The following PARD3B variants were observed in gnomAD, a reference collection of about 807,000 sequenced individuals.
The protein encoded by PARD3B is par-3 family cell polarity regulator beta, also known as partitioning defective 3 homolog B.
In PARD3B, 103 loss-of-function variants were observed where a neutral mutation model predicts 130.2. That is an observed-to-expected ratio of 0.79 (90% CI 0.67 to 0.93). PARD3B has a LOEUF of 0.93. Among genes scored for constraint, PARD3B ranks in the 40% least tolerant of loss-of-function variants. PARD3B has a pLI of 0.00. For synonymous variants in PARD3B, 583 were observed against 553.2 expected, an observed-to-expected ratio of 1.05 and a Z score of -0.76; for missense variants, 1,609 against 1,499.2, an observed-to-expected ratio of 1.07 and a Z score of -1.21.
At chr2:204,565,079 G>A (rs897131511) in intron 1 of PARD3B, among the ~76,000 whole-genome samples, 2 of 152,134 alleles carry the variant, frequency 1.3e-5, no homozygotes, top group South Asian at 2.1e-4. Context: ...CTAGCAGAAC[G>A]CTTTCCTTGT....
rs189820903 is a variant in PARD3B at position 204,676,729 on chromosome 2, G to A, written c.121-9452G>A. Among the ~76,000 whole-genome samples, 1,921 of 149,504 alleles carry A rather than the reference G, an allele frequency of 0.013. 75 individuals carry two copies. In the East Asian group the frequency reaches 0.14, roughly 11 times the overall value. On this transcript the variant is annotated intron_variant, in intron 1 of 22. Transcript: ENST00000406610. ...CTGTCACCCAGGCTGGAGTGCAGTG[G>A]TGCAATCTCGGCTCACTGCAACCTC...
chr2:204,585,217 A>T (rs1158750038), intron 1 of PARD3B, among the ~76,000 whole-genome samples: 1 of 152,202 alleles, frequency 6.6e-6, no homozygotes, highest in South Asian at 2.1e-4. Flanking sequence ...TTCCTTCAGG[A>T]CAATGGAGGC....
At chr2:205,313,711 C>A (rs770694898) in intron 18 of PARD3B, among the ~76,000 whole-genome samples, 2 of 152,168 alleles carry the variant, frequency 1.3e-5, no homozygotes, top group South Asian at 2.1e-4. Context: ...GAAGGATAGA[C>A]CCCTTTATCT....
intron 16 of PARD3B, among the ~76,000 whole-genome samples, chr2:205,282,908 A>C (rs2041245829): frequency 6.6e-6 from 1 of 152,194 alleles, no homozygotes; most frequent in Admixed American, 6.5e-5. Context: ...TGCAAATGAG[A>C]GATTCAAACT....
At chr2:205,114,407 G>A (rs927232038) in intron 6 of PARD3B, among the ~76,000 whole-genome samples, 1 of 151,962 alleles carries the variant, frequency 6.6e-6, no homozygotes, top group African/African-American at 2.4e-5. Context: ...AAGAAAATCA[G>A]TTTTTCACTA....
At chr2:205,437,627 A>G (rs1451768368) in intron 19 of PARD3B, among the ~76,000 whole-genome samples, 1 of 152,134 alleles carries the variant, frequency 6.6e-6, no homozygotes, top group African/African-American at 2.4e-5. Context: ...AATGGCCATT[A>G]TATTGGACGG....
In PARD3B at chr2:205,288,071, T is replaced by G. The variant is rs2105861796; in HGVS notation, c.2186-12459T>G. On this transcript the variant is annotated intron_variant, in intron 16 of 22. Coordinates refer to ENST00000406610, the MANE Select transcript of PARD3B (RefSeq NM_001302769.2). The surrounding 1 kb of genome is among the most constrained non-coding windows in gnomAD (Gnocchi z 4.0). ...CCCATGTTATTAGTTTTACTGCCCA[T>G]TAATCATTATATATTACCAAATATA... Among the ~76,000 whole-genome samples the G allele has an allele frequency of 6.6e-6, 1 of 152,248 alleles. No individual in the cohort carries two copies.
At chr2:205,487,028 T>A (rs1447163943) in intron 20 of PARD3B, among the ~76,000 whole-genome samples, 1 of 152,208 alleles carries the variant, frequency 6.6e-6, no homozygotes, top group Admixed American at 6.5e-5. Context: ...GCGTATATAA[T>A]TCTGTGTTTA....
At chr2:204,786,393 T>A (rs1399757694) in intron 2 of PARD3B, among the ~76,000 whole-genome samples, 2 of 152,088 alleles carry the variant, frequency 1.3e-5, no homozygotes, top group Non-Finnish European at 2.9e-5. Context: ...AGGATGGCTT[T>A]CTTGTGCAAG....
chr2:204,904,439 T>G (rs2046974250), intron 2 of PARD3B, among the ~76,000 whole-genome samples: 1 of 152,232 alleles, frequency 6.6e-6, no homozygotes, highest in Admixed American at 6.5e-5. Context: ...CTTTTGTGGC[T>G]TCTTCCAAGG....
chr2:205,151,718 T>C (rs936261474), intron 10 of PARD3B, among the ~76,000 whole-genome samples: 1 of 152,218 alleles, frequency 6.6e-6, no homozygotes, highest in African/African-American at 2.4e-5. Context: ...CTTCATCCAA[T>C]TTACCAGTCT....
chr2:205,139,179 T>TC (rs1424100272), intron 10 of PARD3B, among the ~76,000 whole-genome samples: 6 of 152,104 alleles, frequency 3.9e-5, no homozygotes. Context: ...TATCAGTATT[T>TC]TTTTTTTTTA....
rs1696076085 is a variant in PARD3B at position 205,015,518 on chromosome 2, A to G, written c.395-32063A>G. On this transcript the variant is annotated intron_variant, in intron 3 of 22. Transcript: ENST00000406610. The surrounding 1 kb of genome is among the most constrained non-coding windows in gnomAD (Gnocchi z 4.5). The stretch of plus-strand genomic sequence containing the variant: ...GGGATGATGTGTTATTCATATAGGT[A>G]TAACCCAGTCTTGAGCTTCACAACA... Among the ~76,000 whole-genome samples, 2 of 152,208 alleles carry G rather than the reference A, an allele frequency of 1.3e-5. No individual in the cohort carries two copies. The highest frequency in any genetic ancestry group is 1.5e-5 in the Non-Finnish European group (1 of 68,030).
intron 2 of PARD3B, among the ~76,000 whole-genome samples, chr2:204,893,195 C>T (rs2046514148): frequency 6.6e-6 from 1 of 152,106 alleles, no homozygotes. Flanking sequence ...AGGGAATGAT[C>T]AGCTGTAAGA....
At chr2:205,022,008 C>T (rs1171809860) in intron 3 of PARD3B, among the ~76,000 whole-genome samples, 1 of 152,086 alleles carries the variant, frequency 6.6e-6, no homozygotes, top group African/African-American at 2.4e-5. Context: ...CAAACAAATT[C>T]AGTTTTTTAT....
intron 20 of PARD3B, among the ~76,000 whole-genome samples, chr2:205,471,139 G>T (rs985532922): frequency 6.6e-6 from 1 of 152,102 alleles, no homozygotes; most frequent in African/African-American, 2.4e-5. Context: ...CAAATACTGG[G>T]AGTAACCTGA....
chr2:204,734,256 A>G (rs2039646119), intron 2 of PARD3B, among the ~76,000 whole-genome samples: 1 of 152,188 alleles, frequency 6.6e-6, no homozygotes, highest in African/African-American at 2.4e-5. Context: ...AAAGGACTGA[A>G]AATAGCAAGT....
At chr2:205,606,793 T>G (rs1024755176) in intron 22 of PARD3B, among the ~76,000 whole-genome samples, 1 of 152,186 alleles carries the variant, frequency 6.6e-6, no homozygotes, top group Admixed American at 6.5e-5. Flanking sequence ...GATAACTGAC[T>G]TATATTTATA....
intron 1 of PARD3B, among the ~76,000 whole-genome samples, chr2:204,649,807 A>AAAT (rs1296798922): frequency 6.6e-6 from 1 of 152,210 alleles, no homozygotes; most frequent in African/African-American, 2.4e-5. Flanking sequence ...AAAACTATAA[A>AAAT]AAGCTGGAAG....
Sources: gnomAD v4.1 joint callset for allele counts (sites outside exome capture counted in the v4.1 genomes callset) on GRCh38, gnomAD v4.1.1 for gene constraint, Gnocchi (gnomAD v3.1) non-coding constraint, MANE v1.5 for transcripts, NCBI Gene and HGNC (gene_info 2026-07-23, HGNC 2026-07-21) for gene names.